Variants in ROBO2 observed in about 807,000 individuals in gnomAD.
ROBO2 encodes roundabout homolog 2.
Under a neutral mutation model 160.8 loss-of-function variants are expected in ROBO2, and 53 were observed. The ratio of observed to expected loss-of-function variants is 0.33; its 90% CI spans 0.26 to 0.41. The LOEUF (loss-of-function observed/expected upper bound fraction) is 0.41, where lower values mean the gene tolerates loss of function less well. ROBO2 is among the 10% of genes least tolerant of loss of function. ROBO2 has a pLI of 1.00. For missense variants in ROBO2, 1,577 were observed against 1,722.4 expected (o/e 0.92, Z 1.49); for synonymous variants, 664 against 611.7 (o/e 1.09, Z -1.26).
At position 76,981,700 on chromosome 3, in the gene ROBO2, A is replaced by C. The variant is rs536991698; in HGVS notation, c.110-116314A>C. 2.6e-5 allele frequency among the ~76,000 whole-genome samples: 4 copies of C among 152,274 alleles called. No individual in the cohort carries two copies. The South Asian group carries it at 8.3e-4, about 32-fold the overall frequency. Reference sequence around the variant, plus strand: ...GTAATTTATAAAGAAAAAAGGTTTAATTGGCTCACTATTCTGTGGGCTTTA... The same window carrying C: ...GTAATTTATAAAGAAAAAAGGTTTACTTGGCTCACTATTCTGTGGGCTTTA... On this transcript the variant is annotated intron_variant, in intron 2 of 26. Coordinates refer to the ROBO2 transcript ENST00000487694.
chr3:76,607,626 A>G (rs1037710756), intron 2 of ROBO2, among the ~76,000 whole-genome samples: 1 of 152,190 alleles, frequency 6.6e-6, no homozygotes, highest in African/African-American at 2.4e-5. Flanking sequence ...CACACTTTGC[A>G]CATTCAGTAA....
In ROBO2 at chr3:77,009,813, G is replaced by GCAGGT. The variant is rs374640167; in HGVS notation, c.110-88200_110-88196dup. Among the ~76,000 whole-genome samples, 151 of 151,988 alleles carry GCAGGT rather than the reference G, an allele frequency of 9.9e-4. 2 individuals carry two copies. The highest frequency in any genetic ancestry group is 3.4e-3 in the African/African-American group (142 of 41,472). On this transcript the variant is annotated intron_variant, in intron 2 of 26. Transcript: ENST00000487694. ...ATACAAAAATTAGCTGGGTGTGGTGGCAGGTTCCTGTCATCTCAGATACTT... is the reference window on the plus strand; with the variant it reads ...ATACAAAAATTAGCTGGGTGTGGTGGCAGGTCAGGTTCCTGTCATCTCAGATACTT...
At chr3:76,385,113 G>C (rs905253328) in intron 2 of ROBO2, among the ~76,000 whole-genome samples, 1 of 151,942 alleles carries the variant, frequency 6.6e-6, no homozygotes, top group Non-Finnish European at 1.5e-5. Context: ...TTCCACCTCA[G>C]TCCCCCAAGT....
chr3:76,209,057 T>G (rs1012985301), intron 2 of ROBO2, among the ~76,000 whole-genome samples: 4 of 152,198 alleles, frequency 2.6e-5, no homozygotes, highest in Non-Finnish European at 5.9e-5. Flanking sequence ...AATTGTATAT[T>G]ACCAGATGTC....
chr3:77,469,818 G>A (rs1427856038), intron 2 of ROBO2, among the ~76,000 whole-genome samples: 1 of 152,082 alleles, frequency 6.6e-6, no homozygotes, highest in East Asian at 1.9e-4. Flanking sequence ...TAAAAAAGGG[G>A]TGCAGCACAC....
At chr3:75,957,822 T>C (rs1191125530) in intron 2 of ROBO2, among the ~76,000 whole-genome samples, 3 of 151,612 alleles carry the variant, frequency 2.0e-5, no homozygotes, top group Non-Finnish European at 3.0e-5. Context: ...TGTGCTGAGG[T>C]TAATATTCTG....
intron 2 of ROBO2, among the ~76,000 whole-genome samples, chr3:76,963,483 G>A (rs2079821141): frequency 6.6e-6 from 1 of 152,250 alleles, no homozygotes; most frequent in Non-Finnish European, 1.5e-5. Flanking sequence ...TCTAAAGAAA[G>A]AAGTAAAATT....
At chr3:77,529,960 T>A (rs1207147332) in intron 6 of ROBO2, among the ~76,000 whole-genome samples, 1 of 151,964 alleles carries the variant, frequency 6.6e-6, no homozygotes, top group Non-Finnish European at 1.5e-5. Context: ...ACATCAATTT[T>A]AATTCAAGAA....
At chr3:76,245,885 A>G (rs1180588653) in intron 2 of ROBO2, among the ~76,000 whole-genome samples, 1 of 152,156 alleles carries the variant, frequency 6.6e-6, no homozygotes, top group East Asian at 1.9e-4. Context: ...AGCCACACTA[A>G]GTTGTTATAT....
chr3:77,236,328 A>AGGT (rs2087972316), intron 2 of ROBO2, among the ~76,000 whole-genome samples: 1 of 152,220 alleles, frequency 6.6e-6, no homozygotes, highest in Non-Finnish European at 1.5e-5. Flanking sequence ...TAAACCCTCT[A>AGGT]GGTTGCAGGC....
chr3:76,385,681 A>AT (rs1278059029), intron 2 of ROBO2, among the ~76,000 whole-genome samples: 1 of 151,966 alleles, frequency 6.6e-6, no homozygotes, highest in Non-Finnish European at 1.5e-5. Context: ...TCTAATATTC[A>AT]TTTTTTTCAT....
At chr3:76,056,517 A>AAAC (rs1553728867) in intron 2 of ROBO2, among the ~76,000 whole-genome samples, 2 of 150,982 alleles carry the variant, frequency 1.3e-5, no homozygotes, top group Non-Finnish European at 3.0e-5. Context: ...AAGAAAAAAA[A>AAAC]CCCATTCACT....
At chr3:77,602,247 A>G in exon 20 of ROBO2, 3 of 1,614,218 alleles carry the variant, frequency 1.9e-6, no homozygotes, top group Non-Finnish European at 2.5e-6. Context: ...GGGATAAAAC[A>G]GCAACGATGC....
chr3:76,581,368 G>C (rs1461788928), intron 2 of ROBO2, among the ~76,000 whole-genome samples: 1 of 152,046 alleles, frequency 6.6e-6, no homozygotes, highest in African/African-American at 2.4e-5. Context: ...GCAAAATGGA[G>C]ATCCAGAGAA....
chr3:77,637,831 T>C (rs983379307), intron 24 of ROBO2, among the ~76,000 whole-genome samples: 2 of 152,330 alleles, frequency 1.3e-5, no homozygotes, highest in East Asian at 3.9e-4. Context: ...AAGACACTTT[T>C]ATTGCAAGCT....
intron 2 of ROBO2, among the ~76,000 whole-genome samples, chr3:76,470,669 A>C (rs981164195): frequency 6.6e-6 from 1 of 152,090 alleles, no homozygotes; most frequent in Non-Finnish European, 1.5e-5. Context: ...AACTTTCACT[A>C]TATTTTCTTT....
chr3:76,394,608 C>A (rs1010213824), intron 2 of ROBO2, among the ~76,000 whole-genome samples: 1 of 152,000 alleles, frequency 6.6e-6, no homozygotes, highest in South Asian at 2.1e-4. Flanking sequence ...CTTGGAGTTG[C>A]TCTTCTCGAG....
intron 2 of ROBO2, among the ~76,000 whole-genome samples, chr3:76,391,812 G>A (rs1438705257): frequency 2.0e-5 from 3 of 152,286 alleles, no homozygotes; most frequent in Middle Eastern, 6.8e-3. Context: ...TCCGGCCGAT[G>A]TTGTTACTTT....
At chr3:76,473,013 T>A (rs1443191043) in intron 2 of ROBO2, among the ~76,000 whole-genome samples, 1 of 152,182 alleles carries the variant, frequency 6.6e-6, no homozygotes, top group Non-Finnish European at 1.5e-5. Flanking sequence ...GCAATTTTTT[T>A]ATGATTTAAC....
Sources: gnomAD v4.1 joint callset for allele counts (sites outside exome capture counted in the v4.1 genomes callset) on GRCh38, gnomAD v4.1.1 for gene constraint, MANE v1.5 for transcripts, NCBI Gene and HGNC (gene_info 2026-07-23, HGNC 2026-07-21) for gene names.